ETFB: variants seen among roughly 807,000 people sequenced by gnomAD.
ETFB encodes the protein beta-ETF.
A neutral mutation model predicts 25.6 loss-of-function variants in ETFB; 20 were observed. The ratio of observed to expected loss-of-function variants is 0.78; its 90% CI spans 0.55 to 1.14. The LOEUF (loss-of-function observed/expected upper bound fraction) is 1.14, where lower values mean the gene tolerates loss of function less well. Ranked by LOEUF, ETFB falls within the 50% of genes most tolerant of loss-of-function variation. The probability of loss-of-function intolerance (pLI) is 0.00; values close to 1 mark genes in which losing one functional copy is unlikely to be tolerated. For synonymous variants in ETFB, 142 were observed against 146.7 expected, an observed-to-expected ratio of 0.97 and a Z score of 0.23; for missense variants, 286 against 342.6, an observed-to-expected ratio of 0.83 and a Z score of 1.30.
intron 4 of ETFB, among the ~76,000 whole-genome samples, chr19:51,349,054 G>GT (rs772415736): frequency 5.3e-5 from 8 of 152,044 alleles, no homozygotes; most frequent in Non-Finnish European, 8.8e-5. Flanking sequence ...CAACCATTCC[G>GT]TTTTTTTAGT....
intron 2 of ETFB, among the ~76,000 whole-genome samples, 169 bp downstream of exon 2, chr19:51,353,981 C>T (rs112588167): frequency 6.9e-6 from 1 of 145,952 alleles, no homozygotes; most frequent in Non-Finnish European, 1.5e-5. Flanking sequence ...AGTCCAGGCC[C>T]CCATCCCCTT....
intron 4 of ETFB, among the ~76,000 whole-genome samples, chr19:51,349,204 T>C (rs1985869888): frequency 6.6e-6 from 1 of 152,340 alleles, no homozygotes; most frequent in Admixed American, 6.5e-5. Flanking sequence ...TCAGCTATGA[T>C]ATTTGGTAGA....
At chr19:51,359,974 G>A (rs879899274) in intron 1 of ETFB, among the ~76,000 whole-genome samples, 2 of 151,836 alleles carry the variant, frequency 1.3e-5, no homozygotes, top group Non-Finnish European at 2.9e-5. Flanking sequence ...AGCTGTGACT[G>A]TACCACTCTA....
intron 1 of ETFB, among the ~76,000 whole-genome samples, chr19:51,366,004 G>T (rs1986354813): frequency 6.6e-6 from 1 of 152,186 alleles, no homozygotes; most frequent in Non-Finnish European, 1.5e-5. Flanking sequence ...CTTCCAGTGG[G>T]TAAGAAATAG....
intron 4 of ETFB, 116 bp downstream of exon 4, chr19:51,350,213 C>T (rs981137872): frequency 1.7e-6 from 2 of 1,180,254 alleles, no homozygotes; most frequent in East Asian, 5.1e-5. Flanking sequence ...ATGAGGCAAT[C>T]CGAGGGAACA....
intron 1 of ETFB, among the ~76,000 whole-genome samples, chr19:51,360,127 C>T (rs547440349): frequency 8.6e-5 from 13 of 151,908 alleles, no homozygotes; most frequent in South Asian, 2.1e-4. Flanking sequence ...CAAAGCTGGG[C>T]GTGGCGGCTC....
At chr19:51,346,801 T>C in intron 5 of ETFB, 99 bp downstream of exon 5, 1 of 1,249,846 alleles carries the variant, frequency 8.0e-7, no homozygotes. Context: ...GAGACCTCCT[T>C]TGGATCCTTC....
intron 1 of ETFB, among the ~76,000 whole-genome samples, chr19:51,358,891 C>G (rs1420796204): frequency 1.3e-5 from 2 of 151,364 alleles, no homozygotes; most frequent in Non-Finnish European, 2.9e-5. Flanking sequence ...CCCAGCTACT[C>G]AGGAGGCTGA....
At chr19:51,347,378 C>A in intron 4 of ETFB, 1 of 288,630 alleles carries the variant, frequency 3.5e-6, no homozygotes. Context: ...ATCGAATCCT[C>A]GCAGGAACTT....
chr19:51,357,380 G>T (rs1358314804), intron 1 of ETFB, among the ~76,000 whole-genome samples: 1 of 151,238 alleles, frequency 6.6e-6, no homozygotes, highest in Non-Finnish European at 1.5e-5. Flanking sequence ...AGCCTGCAAA[G>T]ACCCTGTTTC....
At chr19:51,355,000 G>A (rs1368573030) in intron 1 of ETFB, 2 of 291,134 alleles carry the variant, frequency 6.9e-6, no homozygotes. Flanking sequence ...GCCTAAAGAC[G>A]TACCCACAAC....
intron 3 of ETFB, among the ~76,000 whole-genome samples, chr19:51,350,629 C>A (rs1985912932): frequency 6.6e-6 from 1 of 152,132 alleles, no homozygotes; most frequent in Non-Finnish European, 1.5e-5. Context: ...GGATTACAGG[C>A]ACCCAACACC....
In ETFB at chr19:51,346,840, C is replaced by A. The variant is rs967672546; in HGVS notation, c.597+60G>T. 5 of 1,507,938 alleles carry A rather than the reference C, an allele frequency of 3.3e-6. No homozygotes were observed. In the African/African-American group the frequency reaches 6.9e-5, roughly 21 times the overall value. The allele number at this position is 1,507,938 out of a possible 1,614,324, so 93.4% of individuals were successfully genotyped here. ...CCCCACGTGCGACCACCGGGGGGCA[C>A]TGGGCTGGCAATGTGCTTGCCACCC... On this transcript the variant is annotated intron_variant, in intron 5 of 5. Transcript: ENST00000309244.
chr19:51,354,366 C>T (rs202006668), intron 1 of ETFB, 58 bp from the exon 2 acceptor site: 9 of 1,612,036 alleles, frequency 5.6e-6, no homozygotes, highest in Middle Eastern at 1.6e-4. Context: ...AAGGTGGGGG[C>T]CTCAGCGCCA....
chr19:51,354,157 T>G lies in ETFB; in HGVS notation c.209A>C (p.Gln70Pro). Residue 70 changes from glutamine (Q) to proline (P), a missense_variant, in exon 2 of 6, where the codon CAG becomes CCG. By Grantham distance (76) the Gln-to-Pro change is moderately conservative. Coordinates refer to ENST00000309244, the MANE Select transcript of ETFB (RefSeq NM_001985.3). ...EVIAVSCGPA[Q>P]CQETIRTALA... is the part of the protein sequence containing the mutation. ...CCCCAAGACCTTCATCACCTGGCAC[T>G]GTGCAGGCCCACAGCTGACGGCGAT... 1 of 1,614,000 alleles carries G rather than the reference T, an allele frequency of 6.2e-7. No homozygotes were observed. The highest frequency in any genetic ancestry group is 8.5e-7 in the Non-Finnish European group (1 of 1,180,006).
At chr19:51,354,026 A>G in intron 2 of ETFB, 124 bp downstream of exon 2, 2 of 1,123,046 alleles carry the variant, frequency 1.8e-6, no homozygotes, top group Non-Finnish European at 2.5e-6. Flanking sequence ...CTATCAGCCC[A>G]TCCTCCCTCA....
At chr19:51,360,529 G>GC (rs1304227073) in intron 1 of ETFB, among the ~76,000 whole-genome samples, 1 of 152,146 alleles carries the variant, frequency 6.6e-6, no homozygotes, top group Non-Finnish European at 1.5e-5. Flanking sequence ...GTTGGTTACT[G>GC]CCATTACCTC....
chr19:51,354,956 G>A (rs1037455155), intron 1 of ETFB: 7 of 341,088 alleles, frequency 2.1e-5, no homozygotes, highest in Middle Eastern at 1.9e-3. Flanking sequence ...CAAACCCACG[G>A]TTACAGAAAC....
At chr19:51,352,016 TTTGCCCTCAAATG>T (rs1985943709) in intron 3 of ETFB, among the ~76,000 whole-genome samples, 2 of 151,896 alleles carry the variant, frequency 1.3e-5, no homozygotes. Flanking sequence ...GGCCATGAGG[TTTGCCCTCAAATG>T]AGATGAGCTA....
Sources: gnomAD v4.1 joint callset for allele counts (sites outside exome capture counted in the v4.1 genomes callset) on GRCh38, gnomAD v4.1.1 for gene constraint, MANE v1.5 for transcripts, NCBI Gene and HGNC (gene_info 2026-07-23, HGNC 2026-07-21) for gene names.